The following HGF variants were observed in gnomAD, a reference collection of about 807,000 sequenced individuals.
HGF encodes the protein hepatocyte growth factor.
HGF carries 39 observed loss-of-function variants against 111.6 expected under a neutral mutation model. That is an observed-to-expected ratio of 0.35 (90% confidence interval 0.27 to 0.46). HGF has a LOEUF of 0.46. HGF is among the 20% of genes least tolerant of loss of function. The pLI is 1.00. For synonymous variants in HGF, 285 were observed against 294.8 expected (o/e 0.97, Z 0.34); for missense variants, 735 against 910.5 (o/e 0.81, Z 2.48).
At chr7:81,712,312 T>C (rs1789593660) in intron 11 of HGF, among the ~76,000 whole-genome samples, 1 of 152,210 alleles carries the variant, frequency 6.6e-6, no homozygotes, top group Non-Finnish European at 1.5e-5. Flanking sequence ...TTTAGTTTTA[T>C]ATGGTTAAAG....
intron 7 of HGF, 123 bp from the exon 8 acceptor site, chr7:81,729,902 A>C (rs554098696): frequency 2.7e-6 from 2 of 732,260 alleles, no homozygotes; most frequent in South Asian, 3.7e-5. Flanking sequence ...ATAAGCTTTT[A>C]TAATAATTGA....
chr7:81,732,193 T>C (rs534886820), intron 7 of HGF, among the ~76,000 whole-genome samples: 259 of 152,256 alleles, frequency 1.7e-3, no homozygotes, highest in African/African-American at 6.1e-3. Context: ...GAGAAACTAG[T>C]TCAAGGCTCA....
At position 81,705,773 on chromosome 7, in the gene HGF, T is replaced by C. The variant is rs1335660507; in HGVS notation, c.1758-20A>G. On this transcript the variant is annotated intron_variant, in intron 15 of 17. Coordinates refer to ENST00000222390, the MANE Select transcript of HGF (RefSeq NM_000601.6). ...GCAGGCCTGAAAACACAAAATACAATGGTAAGTACTCTCAACTGGATTCAA... is the reference window on the plus strand; with the variant it reads ...GCAGGCCTGAAAACACAAAATACAACGGTAAGTACTCTCAACTGGATTCAA... 32 of 1,385,152 alleles carry C rather than the reference T, an allele frequency of 2.3e-5. No individual in the cohort carries two copies. Among genetic ancestry groups the C allele is most frequent in the Non-Finnish European group, 3.3e-5 (32 of 973,076 alleles). 85.8% of individuals were successfully genotyped at this position (1,385,152 alleles called of 1,614,324 possible). A position where few individuals can be genotyped will look rare whatever the true frequency, so the allele number is the denominator to read the frequency against.
chr7:81,736,689 T>C (rs374871301), intron 7 of HGF: 1 of 470,126 alleles, frequency 2.1e-6, no homozygotes. Context: ...AAAGAGACTA[T>C]AATGAGAACA....
chr7:81,769,300 A>G (rs1357966830), intron 1 of HGF, among the ~76,000 whole-genome samples: 1 of 152,204 alleles, frequency 6.6e-6, no homozygotes, highest in Non-Finnish European at 1.5e-5. Context: ...TTCAAAGGGC[A>G]GGCATCCGTA....
chr7:81,721,360 G>C (rs1789857871), intron 9 of HGF, among the ~76,000 whole-genome samples: 1 of 152,060 alleles, frequency 6.6e-6, no homozygotes, highest in Non-Finnish European at 1.5e-5. Flanking sequence ...ATCAAAATAA[G>C]GGCTTATGCA....
chr7:81,727,576 A>AT (rs201131565), intron 8 of HGF, among the ~76,000 whole-genome samples: 7,363 of 62,042 alleles, frequency 0.12, 619 homozygotes, highest in African/African-American at 0.36. Flanking sequence ...TTATACTTAC[A>AT]TTTTTAAAAA....
chr7:81,717,399 T>A, intron 10 of HGF, 34 bp from the exon 11 acceptor site: 1 of 1,600,468 alleles, frequency 6.2e-7, no homozygotes, highest in Non-Finnish European at 8.6e-7. Flanking sequence ...CATCACAAGA[T>A]GCTCATTCCA....
intron 1 of HGF, among the ~76,000 whole-genome samples, chr7:81,768,985 T>G (rs186817020): frequency 2.9e-4 from 44 of 152,312 alleles, no homozygotes; most frequent in Middle Eastern, 6.8e-3. Flanking sequence ...TTTTTTATAT[T>G]GTAAAAAGGC....
intron 1 of HGF, among the ~76,000 whole-genome samples, chr7:81,766,307 A>G (rs1365300106): frequency 6.6e-6 from 1 of 152,206 alleles, no homozygotes; most frequent in Non-Finnish European, 1.5e-5. Flanking sequence ...GGCTCCACAT[A>G]TTCTGAGAAA....
chr7:81,729,626 G>C lies in HGF; in HGVS notation c.1019C>G (p.Thr340Ser). The C allele has an allele frequency of 6.2e-7, 1 of 1,613,648 alleles. No individual in the cohort carries two copies. The highest frequency in any genetic ancestry group is 8.5e-7 in the Non-Finnish European group (1 of 1,179,630). The change falls in exon 8 of 18, where the codon ACT becomes AGT. Residue 340 changes from threonine to serine, a missense_variant. Around this residue, in one of 3 missense-constraint regions of HGF, gnomAD observed 553 missense variants for 685.6 expected, o/e 0.81. Coordinates refer to ENST00000222390, the MANE Select transcript of HGF (RefSeq NM_000601.6). ...DSQYPHEHDM[T>S]PENFKCKDLR... is the part of the protein sequence containing the mutation. Reference sequence around the variant, plus strand: ...TCACTTGCACTTGAAATTTTCAGGAGTCATGTCATGCTCGTGAGGATACTG... The same window carrying C: ...TCACTTGCACTTGAAATTTTCAGGACTCATGTCATGCTCGTGAGGATACTG...
At chr7:81,715,232 G>A (rs1789677579) in intron 11 of HGF, among the ~76,000 whole-genome samples, 1 of 152,148 alleles carries the variant, frequency 6.6e-6, no homozygotes, top group South Asian at 2.1e-4. Context: ...GCAGATAATT[G>A]CCTTTTTCCT....
Position 81,745,094 on chromosome 7 carries a change from T to C in HGF, c.652A>G (p.Ser218Gly), listed in dbSNP as rs1190338617. 1 of 1,613,770 alleles carries C rather than the reference T, an allele frequency of 6.2e-7. No individual in the cohort carries two copies. The highest frequency in any genetic ancestry group is 8.5e-7 in the Non-Finnish European group (1 of 1,179,756). ...EVECMTCNGE[S>G]YRGLMDHTES... ...GTATGATCCATGAGACCTCGATAAC[T>C]CTCCCCATTGCAGGTCATGCATTCA... The change falls in exon 6 of 18, where the codon AGT (serine) becomes GGT (glycine). Residue 218 changes from serine to glycine, a missense_variant. Physicochemically the swap from Ser to Gly is moderately conservative, Grantham distance 56 (BLOSUM62 0). This residue lies in a region of HGF where 553 missense variants were observed against 685.6 expected (regional missense o/e 0.81). Coordinates refer to ENST00000222390, the MANE Select transcript of HGF (RefSeq NM_000601.6).
At chr7:81,722,188 G>A (rs1583939063) in intron 9 of HGF, among the ~76,000 whole-genome samples, 1 of 152,036 alleles carries the variant, frequency 6.6e-6, no homozygotes, top group South Asian at 2.1e-4. Context: ...GCCAATGGAA[G>A]CCACTTTAAA....
chr7:81,735,354 T>A (rs1787791620), intron 7 of HGF, among the ~76,000 whole-genome samples: 1 of 152,040 alleles, frequency 6.6e-6, no homozygotes, highest in Non-Finnish European at 1.5e-5. Flanking sequence ...TAGAAGATGA[T>A]TTGGAAGAGA....
chr7:81,754,836 A>T (rs1562903186), intron 4 of HGF, among the ~76,000 whole-genome samples: 1 of 152,070 alleles, frequency 6.6e-6, no homozygotes, highest in Non-Finnish European at 1.5e-5. Flanking sequence ...TGTTCATTCA[A>T]CAAGTGTTTA....
chr7:81,713,553 T>A (rs1477418930), intron 11 of HGF, among the ~76,000 whole-genome samples: 7 of 139,920 alleles, frequency 5.0e-5, no homozygotes, highest in South Asian at 2.3e-4. Flanking sequence ...AAAAAAAAAA[T>A]TTGTAGACAC....
rs555372511 is a variant in HGF at position 81,700,990 on chromosome 7, G to T, written c.*1591C>A. On this transcript the variant is annotated 3_prime_UTR_variant, in exon 18 of 18. Coordinates refer to ENST00000222390, the MANE Select transcript of HGF (RefSeq NM_000601.6). ...CTAAGTCAGAGAAATGGGACTACTG[G>T]ATTCACACCATTCAAAAAATTATTT... 1.3e-5 allele frequency: 2 copies of T among 151,552 alleles called. No homozygotes were observed. Among genetic ancestry groups the T allele is most frequent in the Non-Finnish European group, 3.0e-5 (2 of 67,660 alleles). 9.4% of individuals were successfully genotyped at this position (151,552 alleles called of 1,614,324 possible).
At chr7:81,761,475 C>T (rs1354462649) in intron 2 of HGF, among the ~76,000 whole-genome samples, 1 of 151,626 alleles carries the variant, frequency 6.6e-6, no homozygotes, top group African/African-American at 2.4e-5. Context: ...ATTACTAAAC[C>T]CTGTGGTCAC....
Sources: gnomAD v4.1 joint callset for allele counts (sites outside exome capture counted in the v4.1 genomes callset) on GRCh38, gnomAD v4.1.1 for gene constraint, gnomAD v4.1.1 regional missense constraint, MANE v1.5 for transcripts, NCBI Gene and HGNC (gene_info 2026-07-23, HGNC 2026-07-21) for gene names.